The following RUNX1 variants were observed in gnomAD, a reference collection of about 807,000 sequenced individuals.
RUNX1 encodes the protein runt-related transcription factor 1.
RUNX1 carries 19 observed loss-of-function variants against 42.8 expected under a neutral mutation model. The observed-to-expected ratio is 0.44, with a 90% CI of 0.31 to 0.65. RUNX1 has a LOEUF of 0.65. Ranked by LOEUF, RUNX1 falls within the 30% of genes least tolerant of loss-of-function variation. RUNX1 has a pLI of 0.07. For synonymous variants in RUNX1, 271 were observed against 289.4 expected, an observed-to-expected ratio of 0.94 and a Z score of 0.64; for missense variants, 528 against 672.0, an observed-to-expected ratio of 0.79 and a Z score of 2.37.
At chr21:34,821,346 T>C (rs2056905305) in intron 7 of RUNX1, 1 of 1,194,994 alleles carries the variant, frequency 8.4e-7, no homozygotes, top group Admixed American at 4.0e-5. Flanking sequence ...TGCTAAATAT[T>C]TGATAAAAAT....
chr21:34,993,563 A>G (rs1237309047), intron 2 of RUNX1, among the ~76,000 whole-genome samples: 1 of 148,744 alleles, frequency 6.7e-6, no homozygotes, highest in African/African-American at 2.5e-5. Context: ...ACACAGGCAC[A>G]GACACACACA....
At chr21:34,967,509 C>A (rs1015718378) in intron 2 of RUNX1, among the ~76,000 whole-genome samples, 2 of 151,304 alleles carry the variant, frequency 1.3e-5, no homozygotes, top group East Asian at 2.0e-4. Flanking sequence ...AGTGTTGTCT[C>A]AAATCAGCCC....
At chr21:35,038,259 C>G (rs1478825737) in intron 2 of RUNX1, among the ~76,000 whole-genome samples, 3 of 152,134 alleles carry the variant, frequency 2.0e-5, no homozygotes, top group Non-Finnish European at 4.4e-5. Context: ...CCACAGGCTT[C>G]CTGCTCCCCG....
chr21:35,032,318 T>C lies in RUNX1; in HGVS notation c.58+16524A>G, dbSNP rs2059278638. Among the ~76,000 whole-genome samples the C allele has an allele frequency of 2.0e-5, 3 of 152,240 alleles. No homozygotes were observed. In the South Asian group the frequency reaches 6.2e-4, roughly 31 times the overall value. On this transcript the variant is annotated intron_variant, in intron 2 of 8. Transcript: ENST00000675419. ...TGAAATAGGTGGACTTAGAACTGAA[T>C]GGAATCTACTCTAAGTTATTTAGCA... is the stretch of plus-strand genomic sequence containing the variant.
At chr21:34,925,286 T>C (rs1182356577) in intron 2 of RUNX1, among the ~76,000 whole-genome samples, 1 of 152,222 alleles carries the variant, frequency 6.6e-6, no homozygotes, top group Non-Finnish European at 1.5e-5. Flanking sequence ...CTCAATGTTA[T>C]GGGTTGAATT....
At chr21:34,887,285 A>G in intron 3 of RUNX1, 189 bp from the exon 4 acceptor site, 2 of 1,461,524 alleles carry the variant, frequency 1.4e-6, no homozygotes, top group Admixed American at 2.1e-5. Flanking sequence ...AGACTAAGTT[A>G]CTAACAGTCC....
intron 7 of RUNX1, among the ~76,000 whole-genome samples, chr21:34,831,453 T>C (rs1384192496): frequency 3.9e-5 from 6 of 152,216 alleles, no homozygotes; most frequent in Non-Finnish European, 5.9e-5. Context: ...TCTATATCAG[T>C]ATTTTCTTGC....
chr21:34,853,100 C>T lies in RUNX1; in HGVS notation c.613+6374G>A, dbSNP rs980106790. ...CACTTTACCCATCTTTCGTGAAGGC[C>T]AACACCGGAAGAAGAGGTCTATGTT... On this transcript the variant is annotated intron_variant, in intron 6 of 8. Transcript: ENST00000675419. Among the ~76,000 whole-genome samples the T allele has an allele frequency of 6.6e-5, 10 of 152,154 alleles. 1 individual carries two copies. Among genetic ancestry groups the T allele is most frequent in the Admixed American group, 6.5e-5 (1 of 15,288 alleles).
chr21:34,818,228 A>T (rs2056858454), intron 7 of RUNX1, among the ~76,000 whole-genome samples: 1 of 152,216 alleles, frequency 6.6e-6, no homozygotes. Context: ...TCCCATGATG[A>T]CTGGGAATTT....
intron 2 of RUNX1, among the ~76,000 whole-genome samples, chr21:34,979,016 T>A (rs1484687822): frequency 1.3e-5 from 2 of 150,498 alleles, no homozygotes; most frequent in African/African-American, 4.9e-5. Context: ...TAGGTTCTTA[T>A]GAGACAGACC....
chr21:34,791,277 G>T lies in RUNX1; in HGVS notation c.*858C>A, dbSNP rs891972031. 1.7e-5 allele frequency: 4 copies of T among 232,344 alleles called. No individual in the cohort carries two copies. The highest frequency in any genetic ancestry group is 6.6e-5 in the African/African-American group (3 of 45,224). The allele number at this position is 232,344 out of a possible 1,614,324, so 14.4% of individuals were successfully genotyped here. The stretch of plus-strand genomic sequence containing the variant: ...ACTTTGGCTACTATCAAGAACAAAA[G>T]AAAATGTAGTACTTGATATTTTTCT... On this transcript the variant is annotated 3_prime_UTR_variant, in exon 9 of 9. Transcript: ENST00000675419.
At chr21:34,846,183 T>C (rs557854041) in intron 6 of RUNX1, among the ~76,000 whole-genome samples, 1 of 149,422 alleles carries the variant, frequency 6.7e-6, no homozygotes, top group African/African-American at 2.4e-5. Flanking sequence ...ACTTTGTGGG[T>C]TTAAGGATGT....
At chr21:34,997,934 G>A (rs1048581825) in intron 2 of RUNX1, among the ~76,000 whole-genome samples, 7 of 152,138 alleles carry the variant, frequency 4.6e-5, no homozygotes, top group African/African-American at 1.7e-4. Flanking sequence ...TGCAAGATGG[G>A]GTGGAAGGAC....
intron 5 of RUNX1, among the ~76,000 whole-genome samples, chr21:34,863,228 C>T (rs1364522210): frequency 6.6e-6 from 1 of 152,194 alleles, no homozygotes; most frequent in Non-Finnish European, 1.5e-5. Context: ...GTTATTATCC[C>T]TGAGGTCATA....
At chr21:34,959,280 C>A (rs548417249) in intron 2 of RUNX1, among the ~76,000 whole-genome samples, 1 of 151,958 alleles carries the variant, frequency 6.6e-6, no homozygotes, top group South Asian at 2.1e-4. Context: ...GTTAGGGGAA[C>A]AAAGAAGTGC....
intron 7 of RUNX1, among the ~76,000 whole-genome samples, chr21:34,807,884 C>T (rs2056702001): frequency 1.3e-5 from 2 of 152,192 alleles, no homozygotes; most frequent in African/African-American, 4.8e-5. Flanking sequence ...CTTTCAGAGT[C>T]CCTGGGGGTG....
chr21:34,856,526 A>G, intron 6 of RUNX1: 1 of 494,578 alleles, frequency 2.0e-6, no homozygotes, highest in Middle Eastern at 3.3e-4. Context: ...AGGTAGATAA[A>G]TGAAGGACAG....
In RUNX1 at chr21:34,842,720, CACATACAG is replaced by C. The variant is rs367637904; in HGVS notation, c.614-8127_614-8120del. ...GATGGCACACATGCACACACATACA[CACATACAG>C]ACATGCATGGACAAACATACACACG... On this transcript the variant is annotated intron_variant, in intron 6 of 8. Coordinates refer to ENST00000675419, the MANE Select transcript of RUNX1 (RefSeq NM_001754.5). Among the ~76,000 whole-genome samples the C allele has an allele frequency of 9.0e-4, 137 of 152,138 alleles. 2 individuals are homozygous for C. In the East Asian group the frequency reaches 0.022, roughly 24 times the overall value.
intron 7 of RUNX1, among the ~76,000 whole-genome samples, chr21:34,808,197 T>C (rs184429375): frequency 1.3e-5 from 2 of 152,324 alleles, no homozygotes; most frequent in African/African-American, 4.8e-5. Flanking sequence ...GCTGCAGACA[T>C]CTTGGTTAGT....
Sources: allele counts gnomAD v4.1 joint callset (sites outside exome capture counted in the v4.1 genomes callset), GRCh38; gene constraint gnomAD v4.1.1; transcripts MANE v1.5; gene names NCBI Gene and HGNC (gene_info 2026-07-23, HGNC 2026-07-21).